CAPN8: variants seen among roughly 807,000 people sequenced by gnomAD.
CAPN8 encodes calpain 8, also known as calpain-8.
CAPN8 carries 87 observed loss-of-function variants against 80.9 expected under a neutral mutation model. The observed-to-expected ratio is 1.07, with a 90% CI of 0.90 to 1.28. The LOEUF is 1.28. Among genes scored for constraint, CAPN8 ranks in the 50% most tolerant of loss-of-function variants. The probability of loss-of-function intolerance (pLI) is 0.00; values close to 1 mark genes in which losing one functional copy is unlikely to be tolerated. For missense variants in CAPN8, 757 were observed against 702.0 expected, an observed-to-expected ratio of 1.08 and a Z score of -0.89; for synonymous variants, 299 against 273.8, an observed-to-expected ratio of 1.09 and a Z score of -0.91.
intron 8 of CAPN8, 61 bp from the exon 9 acceptor site, chr1:223,619,514 C>T (rs1657315076): frequency 6.5e-7 from 1 of 1,531,592 alleles, no homozygotes; most frequent in Non-Finnish European, 8.8e-7. Context: ...TAAAGGCACG[C>T]ATACTGAGCA....
In CAPN8 at chr1:223,542,649, G is replaced by A. The variant is rs150203797; in HGVS notation, c.2088+459C>T. Among the ~76,000 whole-genome samples, 236 of 152,252 alleles carry A rather than the reference G, an allele frequency of 1.6e-3. 1 individual carries two copies. Among genetic ancestry groups the A allele is most frequent in the African/African-American group, 5.4e-3 (224 of 41,540 alleles). On this transcript the variant is annotated intron_variant, in intron 20 of 20. Transcript: ENST00000366872. ...TGTCGTACAGGGGTGCAGTGTCCAC[G>A]GGGGAAGTACTCTGATTTTTTCTGC... is the stretch of plus-strand genomic sequence containing the variant.
intron 2 of CAPN8, among the ~76,000 whole-genome samples, chr1:223,643,703 T>C (rs992945390): frequency 6.6e-6 from 1 of 151,614 alleles, no homozygotes; most frequent in Non-Finnish European, 1.5e-5. Context: ...AAGCACAGAG[T>C]TTCTCCAAAC....
At position 223,639,716 on chromosome 1, in the gene CAPN8, A is replaced by T. The variant is rs371208503; in HGVS notation, c.308-10936T>A. On this transcript the variant is annotated intron_variant, in intron 2 of 20. Transcript: ENST00000366872. The stretch of plus-strand genomic sequence containing the variant: ...CATGAATCCTTCTTTGCTCAAATAA[A>T]CTTTGTCACATTTATTTTGTCTAAA... Among the ~76,000 whole-genome samples the T allele has an allele frequency of 7.1e-4, 108 of 152,328 alleles. 1 individual carries two copies. Among genetic ancestry groups the T allele is most frequent in the Middle Eastern group, 3.4e-3 (1 of 294 alleles).
chr1:223,657,832 A>G (rs2102738798), intron 1 of CAPN8, among the ~76,000 whole-genome samples: 1 of 152,296 alleles, frequency 6.6e-6, no homozygotes, highest in Non-Finnish European at 1.5e-5. Context: ...GGTCTACTGA[A>G]ATCTGACTTC....
intron 13 of CAPN8, among the ~76,000 whole-genome samples, chr1:223,554,304 G>A (rs971939961): frequency 1.1e-4 from 16 of 152,166 alleles, no homozygotes; most frequent in Admixed American, 2.0e-4. Context: ...CAGAAATTGC[G>A]TGAAAACATG....
intron 2 of CAPN8, among the ~76,000 whole-genome samples, chr1:223,630,744 G>T (rs528611717): frequency 6.6e-6 from 1 of 151,068 alleles, no homozygotes; most frequent in Non-Finnish European, 1.5e-5. Flanking sequence ...AATGGCAACA[G>T]GGCTCCTAGG....
chr1:223,620,795 A>G (rs369143576), intron 7 of CAPN8, among the ~76,000 whole-genome samples: 43 of 152,206 alleles, frequency 2.8e-4, no homozygotes, highest in African/African-American at 1.0e-3. Flanking sequence ...TTTTACGGCA[A>G]TTTCCCAGAA....
At chr1:223,630,143 G>T (rs1447882808) in intron 2 of CAPN8, among the ~76,000 whole-genome samples, 2 of 152,068 alleles carry the variant, frequency 1.3e-5, no homozygotes, top group Non-Finnish European at 2.9e-5. Context: ...ACTCAGAATT[G>T]CTCCATCACC....
At chr1:223,641,631 C>T (rs1658045899) in intron 2 of CAPN8, among the ~76,000 whole-genome samples, 1 of 152,174 alleles carries the variant, frequency 6.6e-6, no homozygotes, top group Admixed American at 6.5e-5. Flanking sequence ...CACTGCCTCC[C>T]TCTCCACTCT....
chr1:223,630,231 A>T (rs1657733415), intron 2 of CAPN8, among the ~76,000 whole-genome samples: 1 of 150,918 alleles, frequency 6.6e-6, no homozygotes, highest in South Asian at 2.1e-4. Flanking sequence ...ACCCCAAATT[A>T]ATTAATTCCT....
Position 223,659,047 on chromosome 1 carries a change from T to TA in CAPN8, c.238-4649dup, listed in dbSNP as rs1558359245. 2.6e-5 allele frequency among the ~76,000 whole-genome samples: 4 copies of TA among 152,226 alleles called. 1 individual carries two copies. The highest frequency in any genetic ancestry group is 2.0e-4 in the Admixed American group (3 of 15,292). On this transcript the variant is annotated intron_variant, in intron 1 of 20. Coordinates refer to ENST00000366872, the MANE Select transcript of CAPN8 (RefSeq NM_001143962.2). Reference sequence around the variant, plus strand: ...TTTCCTAATAACAATCATGTCTTTTTAGTAACACTGTTTTCTATTACTCAA... The same window carrying TA: ...TTTCCTAATAACAATCATGTCTTTTTAAGTAACACTGTTTTCTATTACTCAA...
At chr1:223,638,078 T>C (rs1489529144) in intron 2 of CAPN8, among the ~76,000 whole-genome samples, 1 of 152,104 alleles carries the variant, frequency 6.6e-6, no homozygotes, top group Non-Finnish European at 1.5e-5. Flanking sequence ...AGGTTGAAAA[T>C]ATTTGAAAAA....
intron 19 of CAPN8, 111 bp downstream of exon 19, chr1:223,543,956 T>C: frequency 1.6e-6 from 1 of 631,410 alleles, no homozygotes; most frequent in Non-Finnish European, 2.9e-6. Flanking sequence ...TATCATTTTC[T>C]GGGTCCCTGG....
At chr1:223,610,149 A>G (rs1385025904) in intron 11 of CAPN8, among the ~76,000 whole-genome samples, 1 of 152,258 alleles carries the variant, frequency 6.6e-6, no homozygotes, top group African/African-American at 2.4e-5. Flanking sequence ...ATCTTCATCA[A>G]GATGCCTGTG....
At chr1:223,626,345 G>C (rs1657577894) in intron 5 of CAPN8, among the ~76,000 whole-genome samples, 1 of 152,054 alleles carries the variant, frequency 6.6e-6, no homozygotes, top group Admixed American at 6.6e-5. Flanking sequence ...TCCTGCTGGG[G>C]TTTGCAGAGA....
intron 6 of CAPN8, among the ~76,000 whole-genome samples, chr1:223,623,619 A>G (rs992014287): frequency 1.3e-5 from 2 of 152,116 alleles, no homozygotes; most frequent in African/African-American, 4.8e-5. Context: ...CATTGTCTTC[A>G]TTTCCTGTGT....
In CAPN8 at chr1:223,647,089, A is replaced by G. The variant is rs529965893; in HGVS notation, c.307+7241T>C. 2.0e-5 allele frequency among the ~76,000 whole-genome samples: 3 copies of G among 152,158 alleles called. No homozygotes were observed. The East Asian group carries it at 5.8e-4, about 29-fold the overall frequency. On this transcript the variant is annotated intron_variant, in intron 2 of 20. Transcript: ENST00000366872. ...CTGGCAATTTTGCACTTTTCTTACA[A>G]AGTGAGGAATAGTCAGGTCACCTCT...
At chr1:223,623,667 T>C (rs1189751228) in intron 6 of CAPN8, among the ~76,000 whole-genome samples, 2 of 152,156 alleles carry the variant, frequency 1.3e-5, no homozygotes, top group Non-Finnish European at 2.9e-5. Flanking sequence ...TGCATGTACA[T>C]GTTCAATTCC....
chr1:223,643,824 G>T (rs950279770), intron 2 of CAPN8, among the ~76,000 whole-genome samples: 1 of 152,184 alleles, frequency 6.6e-6, no homozygotes, highest in Non-Finnish European at 1.5e-5. Flanking sequence ...GGCCCGGTGG[G>T]GGCTTGATGT....
Sources: allele counts gnomAD v4.1 joint callset (sites outside exome capture counted in the v4.1 genomes callset), GRCh38; gene constraint gnomAD v4.1.1; transcripts MANE v1.5; gene names NCBI Gene and HGNC (gene_info 2026-07-23, HGNC 2026-07-21).